The following ABCD2 variants were observed in gnomAD, a reference collection of about 807,000 sequenced individuals.
ABCD2 encodes ATP-binding cassette sub-family D member 2.
ABCD2 carries 36 observed loss-of-function variants against 70.9 expected under a neutral mutation model. That is an observed-to-expected ratio of 0.51 (90% CI 0.39 to 0.67). The LOEUF (loss-of-function observed/expected upper bound fraction) is 0.67. ABCD2 is among the 30% of genes least tolerant of loss of function. ABCD2 has a pLI of 0.00. For synonymous variants in ABCD2, 304 were observed against 306.9 expected (o/e 0.99, Z 0.10); for missense variants, 729 against 890.2 (o/e 0.82, Z 2.30).
rs148578664 is a variant in ABCD2, at chr12:39,561,759, CCTA to C, written c.2004-7631_2004-7629del. Among the ~76,000 whole-genome samples the C allele has an allele frequency of 5.0e-3, 768 of 152,140 alleles. 7 individuals carry two copies. The highest frequency in any genetic ancestry group is 0.017 in the African/African-American group (726 of 41,504). The stretch of plus-strand genomic sequence containing the variant: ...CAATACGAGTAGGAGACTTCAACAC[CCTA>C]CTTTCAGCAATTAGATCATCCAGAC... On this transcript the variant is annotated intron_variant, in intron 9 of 9. Transcript: ENST00000308666.
intron 6 of ABCD2, among the ~76,000 whole-genome samples, chr12:39,595,811 T>C (rs1390422226): frequency 6.6e-6 from 1 of 152,260 alleles, no homozygotes; most frequent in African/African-American, 2.4e-5. Flanking sequence ...TCTTTTATTA[T>C]GCTTTTTGAG....
At chr12:39,596,090 A>T (rs889793378) in intron 6 of ABCD2, among the ~76,000 whole-genome samples, 2 of 152,152 alleles carry the variant, frequency 1.3e-5, no homozygotes. Context: ...GTTAGAGGAG[A>T]GTAGGAAAGA....
At position 39,604,778 on chromosome 12, in the gene ABCD2, G is replaced by A. The variant is rs772169658; in HGVS notation, c.1389C>T (p.Asp463=). The A allele has an allele frequency of 5.6e-6, 9 of 1,602,414 alleles. No individual in the cohort carries two copies. The South Asian group carries it at 1.0e-4, about 18-fold the overall frequency. Reference sequence around the variant, plus strand: ...GTTTAATACCTTTAATTGCCAATGTGTCACTGAGAGGTAATTCTACCTTAG... The same window carrying A: ...GTTTAATACCTTTAATTGCCAATGTATCACTGAGAGGTAATTCTACCTTAG... ...NGAKVELPLS[D]TLAIKGKVID... Residue 463 remains aspartate, a synonymous_variant, in exon 4 of 10, where the codon GAC becomes GAT. Coordinates refer to ENST00000308666, the MANE Select transcript of ABCD2 (RefSeq NM_005164.4).
At position 39,550,489 on chromosome 12, in the gene ABCD2, A is replaced by G. The variant is rs1041607108; in HGVS notation, c.*3423T>C. On this transcript the variant is annotated 3_prime_UTR_variant, in exon 10 of 10. Transcript: ENST00000308666. ...TACAATTCTGGCTTATAAATAGACC[A>G]TTGGTTTTGAAAATTTCACAATATG... 6.6e-6 allele frequency: 1 copy of G among 151,772 alleles called. No individual in the cohort carries two copies. The highest frequency in any genetic ancestry group is 2.4e-5 in the African/African-American group (1 of 41,426). The allele number at this position is 151,772 out of a possible 1,614,324, so 9.4% of individuals were successfully genotyped here. A position where few individuals can be genotyped will look rare whatever the true frequency, so the allele number is the denominator to read the frequency against.
At chr12:39,559,772 T>C (rs1326963235) in intron 9 of ABCD2, among the ~76,000 whole-genome samples, 1 of 152,178 alleles carries the variant, frequency 6.6e-6, no homozygotes, top group African/African-American at 2.4e-5. Context: ...ATTCTGTTCT[T>C]AGCAAAATTG....
chr12:39,555,053 C>T (rs1941141534), intron 9 of ABCD2, among the ~76,000 whole-genome samples: 1 of 151,942 alleles, frequency 6.6e-6, no homozygotes, highest in African/African-American at 2.4e-5. Context: ...AGAGATAATT[C>T]ACATACCATA....
At chr12:39,580,664 G>T (rs1941584645) in intron 7 of ABCD2, among the ~76,000 whole-genome samples, 1 of 152,046 alleles carries the variant, frequency 6.6e-6, no homozygotes, top group Non-Finnish European at 1.5e-5. Context: ...TCCACTGCTG[G>T]AGAGTCTGAT....
intron 9 of ABCD2, among the ~76,000 whole-genome samples, chr12:39,563,037 A>ACATT (rs545535734): frequency 1.7e-3 from 266 of 152,324 alleles, no homozygotes; most frequent in African/African-American, 5.7e-3. Flanking sequence ...GTGGTACATA[A>ACATT]CATTAACAAA....
the ABCD2 span, among the ~76,000 whole-genome samples, chr12:39,534,782 GAAAGAAA>G: frequency 7.4e-6 from 1 of 136,044 alleles, no homozygotes; most frequent in Non-Finnish European, 1.6e-5. Context: ...AAGAAAGAAA[GAAAGAAA>G]GAAAGAAAGA....
intron 2 of ABCD2, among the ~76,000 whole-genome samples, chr12:39,614,627 G>A (rs1053183639): frequency 4.6e-5 from 7 of 151,640 alleles, no homozygotes; most frequent in South Asian, 2.1e-4. Flanking sequence ...AAAGGCATAC[G>A]TGTAAACTAT....
At chr12:39,610,725 C>T (rs1482632964) in intron 2 of ABCD2, among the ~76,000 whole-genome samples, 2 of 152,160 alleles carry the variant, frequency 1.3e-5, no homozygotes, top group Admixed American at 1.3e-4. Context: ...CAGATTAATG[C>T]TTATTGGGTC....
chr12:39,573,652 A>C, intron 9 of ABCD2, 64 bp downstream of exon 9: 2 of 1,557,386 alleles, frequency 1.3e-6, no homozygotes. Context: ...AAATTTAGCA[A>C]AGTTATTTTT....
chr12:39,565,559 A>G (rs1006053192), intron 9 of ABCD2, among the ~76,000 whole-genome samples: 2 of 152,172 alleles, frequency 1.3e-5, no homozygotes, highest in African/African-American at 4.8e-5. Flanking sequence ...TAGGTATTCA[A>G]TCATTTCATC....
In ABCD2 at chr12:39,600,625, T is replaced by C. The variant is rs1162874692; in HGVS notation, c.1592A>G (p.Tyr531Cys). The change falls in exon 6 of 10, where the codon TAT becomes TGT. Residue 531 changes from tyrosine (Y) to cysteine (C), a missense_variant. Physicochemically the swap from Tyr to Cys is radical, Grantham distance 194 (BLOSUM62 -2). Transcript: ENST00000308666. ...FRILSGLWPV[Y>C]EGVLYKPPPQ... ...AGGTGGTTTATAGAGGACTCCTTCA[T>C]ACACAGGCCAGAGCCCACTTAGAAT... The C allele has an allele frequency of 1.2e-6, 2 of 1,612,910 alleles. No homozygotes were observed. The highest frequency in any genetic ancestry group is 1.7e-6 in the Non-Finnish European group (2 of 1,179,382).
At chr12:39,617,488 C>A (rs1226344514) in intron 1 of ABCD2, among the ~76,000 whole-genome samples, 1 of 151,880 alleles carries the variant, frequency 6.6e-6, no homozygotes, top group Admixed American at 6.6e-5. Context: ...GTTGATTACA[C>A]CAAAAATATC....
chr12:39,598,344 G>A (rs1591991020), intron 6 of ABCD2, among the ~76,000 whole-genome samples: 1 of 151,956 alleles, frequency 6.6e-6, no homozygotes, highest in African/African-American at 2.4e-5. Context: ...TCATTTTTTT[G>A]CTGCTAAGCT....
At chr12:39,574,622 A>G (rs996350622) in intron 8 of ABCD2, among the ~76,000 whole-genome samples, 1 of 151,978 alleles carries the variant, frequency 6.6e-6, no homozygotes, top group African/African-American at 2.4e-5. Flanking sequence ...GACTGTTGGT[A>G]CTTAGCATGA....
downstream of ABCD2, among the ~76,000 whole-genome samples, chr12:39,546,383 T>C (rs977061238): frequency 6.6e-6 from 1 of 152,174 alleles, no homozygotes; most frequent in African/African-American, 2.4e-5. Flanking sequence ...CTATCTGCCA[T>C]GTATTGTTCT....
rs1040595903 is a variant in ABCD2 at position 39,615,186 on chromosome 12, A to G, written c.1120+1802T>C. Among the ~76,000 whole-genome samples the G allele has an allele frequency of 8.6e-5, 13 of 152,018 alleles. No individual in the cohort carries two copies. In the South Asian group the frequency reaches 2.1e-3, roughly 24 times the overall value. ...TTAATAGCTGCATTTTTGCTGTTCT[A>G]TGTTGAATACTCCAGGGTTTTTTAA... On this transcript the variant is annotated intron_variant, in intron 2 of 9. Transcript: ENST00000308666.
Sources: allele counts gnomAD v4.1 joint callset (sites outside exome capture counted in the v4.1 genomes callset), GRCh38; gene constraint gnomAD v4.1.1; transcripts MANE v1.5; gene names NCBI Gene and HGNC (gene_info 2026-07-23, HGNC 2026-07-21).